The following ZFR variants were observed in gnomAD, a reference collection of about 807,000 sequenced individuals.
ZFR encodes zinc finger RNA binding protein.
In ZFR, 19 loss-of-function variants were observed where a neutral mutation model predicts 130.7. The ratio of observed to expected loss-of-function variants is 0.15; its 90% CI spans 0.10 to 0.21. ZFR has a LOEUF of 0.21. Among genes scored for constraint, ZFR ranks in the 10% least tolerant of loss-of-function variants. ZFR has a pLI of 1.00. For synonymous variants in ZFR, 466 were observed against 456.9 expected (o/e 1.02, Z -0.25); for missense variants, 872 against 1,321.5 (o/e 0.66, Z 5.27).
chr5:32,441,895 CTT>C (rs1312217062), intron 2 of ZFR, among the ~76,000 whole-genome samples: 5 of 151,998 alleles, frequency 3.3e-5, no homozygotes, highest in African/African-American at 9.7e-5. Flanking sequence ...CAGATGTACA[CTT>C]AATCAATTTA....
At position 32,395,182 on chromosome 5, in the gene ZFR, C is replaced by A; in HGVS notation, c.1956G>T (p.Glu652Asp). 1 of 1,604,014 alleles carries A rather than the reference C, an allele frequency of 6.2e-7. No individual in the cohort carries two copies. The highest frequency in any genetic ancestry group is 8.5e-7 in the Non-Finnish European group (1 of 1,175,730). ...KEEYWRRREE[E>D]ERWRMEMRRY... is the part of the protein sequence containing the mutation. ...ACCTCATTTCCATTCTCCAACGCTC[C>A]TCTTCTTCTCGTCTTCGCCAGTACT... The change falls in exon 11 of 20, where the codon GAG (glutamate) becomes GAT (aspartate). Residue 652 changes from glutamate (E) to aspartate (D), a missense_variant. Physicochemically the swap from Glu to Asp is conservative, Grantham distance 45 (BLOSUM62 2). Transcript: ENST00000265069.
intron 8 of ZFR, among the ~76,000 whole-genome samples, chr5:32,401,782 GAAAT>G (rs990368112): frequency 5.3e-5 from 8 of 152,158 alleles, no homozygotes; most frequent in Admixed American, 2.0e-4. Flanking sequence ...GGTACAGTAA[GAAAT>G]AAAGCTCCAA....
At chr5:32,413,206 C>T (rs1561905778) in intron 5 of ZFR, among the ~76,000 whole-genome samples, 1 of 150,238 alleles carries the variant, frequency 6.7e-6, no homozygotes, top group African/African-American at 2.5e-5. Flanking sequence ...AAAAACAAAA[C>T]AAAACAAAAC....
chr5:32,404,265 TTC>T (rs1753531548), intron 6 of ZFR, among the ~76,000 whole-genome samples, 168 bp from the exon 7 acceptor site: 1 of 152,194 alleles, frequency 6.6e-6, no homozygotes. Context: ...ATATCTATGG[TTC>T]TCTGTATCTT....
chr5:32,381,577 T>TA (rs1490175659), intron 15 of ZFR, among the ~76,000 whole-genome samples: 1 of 152,074 alleles, frequency 6.6e-6, no homozygotes, highest in Non-Finnish European at 1.5e-5. Context: ...ATCTTAAGAG[T>TA]ACTAGCTGCA....
chr5:32,367,738 T>C (rs1319461350), intron 17 of ZFR, among the ~76,000 whole-genome samples: 1 of 152,194 alleles, frequency 6.6e-6, no homozygotes, highest in Non-Finnish European at 1.5e-5. Context: ...CCCAGCCTTA[T>C]TTGCTTTTTA....
chr5:32,372,630 C>T (rs1197752662), intron 17 of ZFR, among the ~76,000 whole-genome samples: 1 of 151,844 alleles, frequency 6.6e-6, no homozygotes, highest in Non-Finnish European at 1.5e-5. Context: ...GCCAAGAGCT[C>T]GAGACTAACC....
rs1581721574 is a variant in ZFR at position 32,440,709 on chromosome 5, C to A, written c.137+3520G>T. Among the ~76,000 whole-genome samples, 3 of 151,376 alleles carry A rather than the reference C, an allele frequency of 2.0e-5. No individual in the cohort carries two copies. The East Asian group carries it at 5.8e-4, about 29-fold the overall frequency. ...AAAAAAAATTCCATAGTTTATGGGA[C>A]TTAGAACACAAGACTGAGAAACGCT... On this transcript the variant is annotated intron_variant, in intron 2 of 19. Coordinates refer to ENST00000265069, the MANE Select transcript of ZFR (RefSeq NM_016107.5).
In ZFR at chr5:32,385,824, C is replaced by A. The variant is rs553318768; in HGVS notation, c.2500-175G>T. On this transcript the variant is annotated intron_variant, in intron 14 of 19. Coordinates refer to ENST00000265069, the MANE Select transcript of ZFR (RefSeq NM_016107.5). ...ACATGCCAGTATTATTAGTCTTACT[C>A]CCTACTTTCAGAATTCTGTGTTGAA... Among the ~76,000 whole-genome samples the A allele has an allele frequency of 2.0e-5, 3 of 152,188 alleles. No homozygotes were observed. The East Asian group carries it at 5.8e-4, about 29-fold the overall frequency.
intron 9 of ZFR, among the ~76,000 whole-genome samples, chr5:32,398,805 T>A (rs1753376204): frequency 6.6e-6 from 1 of 151,846 alleles, no homozygotes; most frequent in Admixed American, 6.6e-5. Context: ...TGCCTCAGCG[T>A]CCCGAGTAGC....
intron 19 of ZFR, among the ~76,000 whole-genome samples, chr5:32,362,830 T>C (rs1336198908): frequency 1.3e-5 from 2 of 152,230 alleles, no homozygotes; most frequent in Non-Finnish European, 2.9e-5. Context: ...GTCACATTTT[T>C]AGAAAAGTAA....
chr5:32,364,070 G>A (rs1752487850), intron 18 of ZFR, 25 bp from the exon 19 acceptor site: 2 of 1,608,430 alleles, frequency 1.2e-6, no homozygotes, highest in East Asian at 4.5e-5. Flanking sequence ...ACAGGGAGAG[G>A]AAATTATTAG....
rs1359609170 is a variant in ZFR, at chr5:32,420,025, A to G, written c.216T>C (p.Ala72=). 6.2e-7 allele frequency: 1 copy of G among 1,613,752 alleles called. No homozygotes were observed. The highest frequency in any genetic ancestry group is 2.2e-5 in the East Asian group (1 of 44,890). ...ASYTVHQAPV[A]AHTVTAAYAP... ...CATAGGCAGCAGTAACTGTGTGAGC[A>G]GCTACTGGAGCCTGATGGACAGTGT... is the stretch of plus-strand genomic sequence containing the variant. Residue 72 remains alanine (A), a synonymous_variant, in exon 3 of 20, where the codon GCT becomes GCC. Transcript: ENST00000265069.
At chr5:32,410,283 CAAA>C (rs3065266) in intron 5 of ZFR, among the ~76,000 whole-genome samples, 6 of 113,160 alleles carry the variant, frequency 5.3e-5, no homozygotes, top group African/African-American at 1.0e-4. Flanking sequence ...ACACTGTCTC[CAAA>C]AAAAAAAAAA....
chr5:32,413,192 C>CA (rs11409467), intron 5 of ZFR, among the ~76,000 whole-genome samples: 68,005 of 149,340 alleles, frequency 0.46, 15,590 homozygotes, highest in East Asian at 0.56. Flanking sequence ...CTTTTAATCT[C>CA]AAAAAAAACA....
intron 2 of ZFR, among the ~76,000 whole-genome samples, chr5:32,431,724 C>T (rs1252422707): frequency 1.4e-5 from 2 of 145,620 alleles, no homozygotes; most frequent in East Asian, 3.9e-4. Flanking sequence ...TATGTATCTA[C>T]GAAACTACTG....
intron 17 of ZFR, among the ~76,000 whole-genome samples, chr5:32,374,676 A>C (rs34294504): frequency 1.6e-3 from 236 of 145,414 alleles, no homozygotes; most frequent in Middle Eastern, 3.4e-3. Flanking sequence ...TGGCTAGTCT[A>C]ATCAATGACA....
chr5:32,420,952 AAAG>A (rs1265180255), intron 2 of ZFR, among the ~76,000 whole-genome samples: 2 of 152,246 alleles, frequency 1.3e-5, no homozygotes, highest in Admixed American at 1.3e-4. Context: ...ATGTTTTGTA[AAAG>A]AAGACACAAA....
chr5:32,387,732 C>A, intron 13 of ZFR, 33 bp from the exon 14 acceptor site: 6 of 1,577,414 alleles, frequency 3.8e-6, no homozygotes, highest in South Asian at 1.2e-5. Flanking sequence ...TATGATATTT[C>A]TCTGCTTAAC....
Sources: gnomAD v4.1 joint callset for allele counts (sites outside exome capture counted in the v4.1 genomes callset) on GRCh38, gnomAD v4.1.1 for gene constraint, MANE v1.5 for transcripts, NCBI Gene and HGNC (gene_info 2026-07-23, HGNC 2026-07-21) for gene names.